UPF3A: variants seen among roughly 807,000 people sequenced by gnomAD.
UPF3A encodes UPF3A regulator of nonsense mediated mRNA decay.
A neutral mutation model predicts 53.5 loss-of-function variants in UPF3A; 42 were observed. The observed-to-expected ratio is 0.78, with a 90% confidence interval of 0.61 to 1.01. UPF3A has a LOEUF of 1.01. UPF3A is among the 50% of genes least tolerant of loss of function. The pLI, the probability that UPF3A is intolerant of heterozygous loss-of-function variation, is 0.00. For missense variants in UPF3A, 575 were observed against 598.0 expected (o/e 0.96, Z 0.40); for synonymous variants, 237 against 225.3 (o/e 1.05, Z -0.47).
rs2084246121 is a variant in UPF3A, at chr13:114,282,768, A to T, written c.315-69A>T. 1.4e-5 allele frequency: 22 copies of T among 1,554,936 alleles called. No individual in the cohort carries two copies. In the South Asian group the frequency reaches 1.4e-4, roughly 10 times the overall value. On this transcript the variant is annotated intron_variant, in intron 2 of 9. Transcript: ENST00000375299. Reference sequence around the variant, plus strand: ...AGTAGTTTGTTGTGCCCAGAAAAGGAAAAAGAGGCTAAATTAATGGACTAT... The same window carrying T: ...AGTAGTTTGTTGTGCCCAGAAAAGGTAAAAGAGGCTAAATTAATGGACTAT...
rs1472221253 is a variant in UPF3A at position 114,286,878 on chromosome 13, G to A, written c.631+249G>A. 16 of 468,910 alleles carry A rather than the reference G, an allele frequency of 3.4e-5. No individual in the cohort carries two copies. In the East Asian group the frequency reaches 4.0e-4, roughly 12 times the overall value. The allele number at this position is 468,910 out of a possible 1,614,324, so 29.0% of individuals were successfully genotyped here. A position where few individuals can be genotyped will look rare whatever the true frequency, so the allele number is the denominator to read the frequency against. On this transcript the variant is annotated intron_variant, in intron 5 of 9. Coordinates refer to ENST00000375299, the MANE Select transcript of UPF3A (RefSeq NM_023011.4). ...GATCATTTTAAGTTATGATGCTTCC[G>A]AATGAGCAGTGCAGAAGACACATGA...
At position 114,304,798 on chromosome 13, in the gene UPF3A, G is replaced by T. The variant is rs1409355590; in HGVS notation, c.1312G>T (p.Ala438Ser). The T allele has an allele frequency of 2.5e-6, 4 of 1,613,640 alleles. No individual in the cohort carries two copies. The highest frequency in any genetic ancestry group is 1.3e-5 in the African/African-American group (1 of 74,914). ...CCTCTTATCCTGGCAGGACCGGCCA[G>T]CCTTGCAGCTGTATGATCCAGGAGC... ...KERLANKDRP[A>S]LQLYDPGARF... The change falls in exon 10 of 10, where the codon GCC becomes TCC. Residue 438 changes from alanine to serine, a missense_variant. Around this residue, in one of 2 missense-constraint regions of UPF3A, gnomAD observed 323 missense variants for 415.2 expected, o/e 0.78. Coordinates refer to ENST00000375299, the MANE Select transcript of UPF3A (RefSeq NM_023011.4).
At position 114,281,648 on chromosome 13, in the gene UPF3A, G is replaced by A. The variant is rs774490233; in HGVS notation, c.9G>A (p.Ser3=). 81 of 1,479,768 alleles carry A rather than the reference G, an allele frequency of 5.5e-5. No individual in the cohort carries two copies. The highest frequency in any genetic ancestry group is 7.0e-5 in the Non-Finnish European group (78 of 1,115,932). 91.7% of individuals were successfully genotyped at this position (1,479,768 alleles called of 1,614,324 possible). MR[S]EKEGAGGLRA... ...TCGGCGGAGAGTGCGGCATGCGCTC[G>A]GAAAAGGAGGGGGCCGGAGGCCTTC... Residue 3 remains serine (S), a synonymous_variant, in exon 1 of 10, where the codon TCG becomes TCA. Transcript: ENST00000375299.
rs1364020628 is a variant in UPF3A at position 114,281,841 on chromosome 13, A to C, written c.202A>C (p.Ser68Arg). The change falls in exon 1 of 10, where the codon AGC becomes CGC. Residue 68 changes from serine to arginine, a missense_variant. This residue lies in a region of UPF3A where 252 missense variants were observed against 182.7 expected (regional missense o/e 1.38). Transcript: ENST00000375299. The stretch of plus-strand genomic sequence containing the variant: ...TCGCGAGGAGAAGAGGACGGCCCTG[A>C]GCAAGGTGGGGACGGGGGCGGGGCG... ...KPREEKRTAL[S>R]KVVIRRLPPG... The C allele has an allele frequency of 1.3e-6, 2 of 1,502,408 alleles. No individual in the cohort carries two copies. Among genetic ancestry groups the C allele is most frequent in the Non-Finnish European group, 1.8e-6 (2 of 1,121,834 alleles). The allele number at this position is 1,502,408 out of a possible 1,614,324, so 93.1% of individuals were successfully genotyped here.
At chr13:114,286,684 A>T in intron 5 of UPF3A, 55 bp downstream of exon 5, 1 of 1,418,516 alleles carries the variant, frequency 7.0e-7, no homozygotes, top group African/African-American at 1.4e-5. Context: ...CTCGTAGAGG[A>T]TATACGTTTT....
At chr13:114,283,632 A>G (rs192802363) in intron 3 of UPF3A, 1 of 417,056 alleles carries the variant, frequency 2.4e-6, no homozygotes, top group Admixed American at 6.4e-5. Flanking sequence ...AGCATCCTTC[A>G]TGACTGTACC....
chr13:114,295,699 T>C (rs1311882148), intron 7 of UPF3A, among the ~76,000 whole-genome samples: 1 of 152,226 alleles, frequency 6.6e-6, no homozygotes, highest in African/African-American at 2.4e-5. Context: ...TTGCCACTGT[T>C]CACAGCATTC....
At chr13:114,289,709 A>G (rs1333792229) in intron 5 of UPF3A, among the ~76,000 whole-genome samples, 4 of 152,184 alleles carry the variant, frequency 2.6e-5, no homozygotes, top group African/African-American at 9.7e-5. Context: ...GGCCTTTAGC[A>G]TCGGCCTTTA....
chr13:114,281,816 T>C lies in UPF3A; in HGVS notation c.177T>C (p.Pro59=), dbSNP rs994951980. Residue 59 remains proline (P), a synonymous_variant, in exon 1 of 10, where the codon CCT becomes CCC. Transcript: ENST00000375299. The stretch of plus-strand genomic sequence containing the variant: ...GTTGCGGGGGCGGTGCGGGCAAACC[T>C]CGCGAGGAGAAGAGGACGGCCCTGA... The part of the protein sequence containing the change: ...SSGCGGGAGK[P]REEKRTALSK... 1 of 1,539,412 alleles carries C rather than the reference T, an allele frequency of 6.5e-7. No individual in the cohort carries two copies. The highest frequency in any genetic ancestry group is 8.8e-7 in the Non-Finnish European group (1 of 1,141,986).
intron 1 of UPF3A, 66 bp from the exon 2 acceptor site, chr13:114,281,955 C>G (rs1230458377): frequency 4.9e-6 from 7 of 1,434,590 alleles, no homozygotes; most frequent in Admixed American, 2.0e-5. Context: ...CAGCGCGGTA[C>G]GCGGTGCCTT....
chr13:114,290,543 C>G (rs2085169542), intron 5 of UPF3A, among the ~76,000 whole-genome samples: 1 of 152,100 alleles, frequency 6.6e-6, no homozygotes, highest in Non-Finnish European at 1.5e-5. Flanking sequence ...CAGCGCAAGT[C>G]CCTCTGAGGT....
chr13:114,282,466 G>A, intron 2 of UPF3A: 2 of 985,430 alleles, frequency 2.0e-6, no homozygotes, highest in Non-Finnish European at 2.4e-6. Context: ...GGGGGGCGCC[G>A]GCTCTTCCTG....
chr13:114,294,053 G>A (rs2085575390), intron 7 of UPF3A, among the ~76,000 whole-genome samples: 1 of 152,090 alleles, frequency 6.6e-6, no homozygotes, highest in African/African-American at 2.4e-5. Context: ...CAAAGTTTGG[G>A]GATTACAGGC....
At chr13:114,287,542 G>A (rs1350664548) in intron 5 of UPF3A, 1 of 152,332 alleles carries the variant, frequency 6.6e-6, no homozygotes, top group Non-Finnish European at 1.5e-5. Context: ...AGTGAGCTGA[G>A]ATCGCACCAC....
chr13:114,292,969 G>A (rs2085463647), intron 7 of UPF3A, among the ~76,000 whole-genome samples: 1 of 151,700 alleles, frequency 6.6e-6, no homozygotes, highest in Non-Finnish European at 1.5e-5. Flanking sequence ...CTACTCAGGA[G>A]GCTGAGGCAG....
intron 1 of UPF3A, 50 bp from the exon 2 acceptor site, chr13:114,281,971 C>G: frequency 6.6e-7 from 1 of 1,510,276 alleles, no homozygotes; most frequent in Non-Finnish European, 8.9e-7. Context: ...GCCTTTTGAG[C>G]TCCTTGTCCA....
intron 7 of UPF3A, among the ~76,000 whole-genome samples, chr13:114,292,589 G>A (rs892371800): frequency 1.1e-4 from 17 of 150,666 alleles, no homozygotes; most frequent in African/African-American, 3.9e-4. Flanking sequence ...GTGCAGGTGT[G>A]TTACGTGTTC....
intron 3 of UPF3A, among the ~76,000 whole-genome samples, chr13:114,284,705 A>T (rs2084494507): frequency 6.6e-6 from 1 of 152,154 alleles, no homozygotes; most frequent in African/African-American, 2.4e-5. Flanking sequence ...TCTCAAAAAA[A>T]AAAAAAGTCA....
chr13:114,297,397 A>T (rs1424578962), intron 7 of UPF3A, among the ~76,000 whole-genome samples: 1 of 152,164 alleles, frequency 6.6e-6, no homozygotes, highest in Non-Finnish European at 1.5e-5. Context: ...AAAACTATAA[A>T]CTATTCTAAA....
Sources: gnomAD v4.1 joint callset for allele counts (sites outside exome capture counted in the v4.1 genomes callset) on GRCh38, gnomAD v4.1.1 for gene constraint, gnomAD v4.1.1 regional missense constraint, MANE v1.5 for transcripts, NCBI Gene and HGNC (gene_info 2026-07-23, HGNC 2026-07-21) for gene names.